Variants in FOXP1 observed in about 807,000 individuals in gnomAD.
The protein encoded by FOXP1 is forkhead box protein P1.
FOXP1 carries 15 observed loss-of-function variants against 98.2 expected under a neutral mutation model. The observed-to-expected ratio is 0.15, with a 90% CI of 0.10 to 0.24. FOXP1 has a LOEUF of 0.24. Among genes scored for constraint, FOXP1 ranks in the 10% least tolerant of loss-of-function variants. The probability of loss-of-function intolerance (pLI) is 1.00; values close to 1 mark genes in which losing one functional copy is unlikely to be tolerated. For missense variants in FOXP1, 633 were observed against 848.5 expected (o/e 0.75, Z 3.15); for synonymous variants, 371 against 314.5 (o/e 1.18, Z -1.90).
intron 3 of FOXP1, among the ~76,000 whole-genome samples, chr3:71,489,381 T>C (rs1400669532): frequency 6.6e-6 from 1 of 152,214 alleles, no homozygotes; most frequent in Non-Finnish European, 1.5e-5. Context: ...TCACCAGATC[T>C]ACCAGCAAGG....
chr3:71,242,008 T>C (rs1269699823), intron 5 of FOXP1, among the ~76,000 whole-genome samples: 1 of 152,232 alleles, frequency 6.6e-6, no homozygotes, highest in Non-Finnish European at 1.5e-5. Flanking sequence ...AATGTTAATA[T>C]ATGCTGATCA....
chr3:71,112,590 CT>C lies in FOXP1; in HGVS notation c.227del (p.Gln76ArgfsTer6). 1 of 1,613,878 alleles carries C rather than the reference CT, an allele frequency of 6.2e-7. No individual in the cohort carries two copies. Among genetic ancestry groups the C allele is most frequent in the Non-Finnish European group, 8.5e-7 (1 of 1,179,750 alleles). On this transcript the variant is annotated frameshift_variant, in exon 7 of 21. Coordinates refer to ENST00000649528, the MANE Select transcript of FOXP1 (RefSeq NM_001349338.3). LOFTEE classifies it high-confidence loss of function. ...TGGGAGATTTTAATCCACTAACTTGCTGCTGCTGTTGCTGCTGAAGAAGGAG... is the reference window on the plus strand; with the variant it reads ...TGGGAGATTTTAATCCACTAACTTGCGCTGCTGTTGCTGCTGAAGAAGGAG... ...RQLLLQQQQQ[Q>X]QVSGLKSPKR...
intron 7 of FOXP1, among the ~76,000 whole-genome samples, chr3:71,086,200 T>A (rs1460404782): frequency 1.3e-5 from 2 of 152,162 alleles, no homozygotes; most frequent in Non-Finnish European, 2.9e-5. Context: ...ATCACAACTG[T>A]ATTCTTTGTA....
chr3:71,579,445 A>G (rs1457239642), intron 2 of FOXP1, among the ~76,000 whole-genome samples: 1 of 152,252 alleles, frequency 6.6e-6, no homozygotes, highest in East Asian at 1.9e-4. Context: ...AAATTTTCCT[A>G]GACAACAAGC....
At chr3:71,143,787 A>G (rs754347561) in intron 6 of FOXP1, among the ~76,000 whole-genome samples, 4 of 152,238 alleles carry the variant, frequency 2.6e-5, no homozygotes, top group Non-Finnish European at 5.9e-5. Flanking sequence ...GCACTTCATA[A>G]GCACCATGTA....
At chr3:71,324,473 G>A (rs55820321) in intron 4 of FOXP1, among the ~76,000 whole-genome samples, 29,355 of 152,008 alleles carry the variant, frequency 0.19, 2,973 homozygotes, top group African/African-American at 0.21. Context: ...GTAGGGACAC[G>A]GATGAAGGTG....
At chr3:71,414,062 C>T (rs914197289) in intron 3 of FOXP1, among the ~76,000 whole-genome samples, 3 of 152,040 alleles carry the variant, frequency 2.0e-5, no homozygotes, top group Admixed American at 6.6e-5. Flanking sequence ...AAGCCACCCA[C>T]GGGTTGCTGG....
intron 11 of FOXP1, among the ~76,000 whole-genome samples, chr3:71,032,278 C>A (rs2046978339): frequency 6.6e-6 from 1 of 152,222 alleles, no homozygotes; most frequent in African/African-American, 2.4e-5. Flanking sequence ...CAATTGTGCT[C>A]TGTCTGTGCA....
In FOXP1 at chr3:70,954,920, C is replaced by T. The variant is rs902204059; in HGVS notation, c.*4327G>A. On this transcript the variant is annotated 3_prime_UTR_variant, in exon 21 of 21. Coordinates refer to ENST00000649528, the MANE Select transcript of FOXP1 (RefSeq NM_001349338.3). The stretch of plus-strand genomic sequence containing the variant: ...AAAAAAATTCTTGTTACTGGCAGCA[C>T]ATATACATGAAGCACCATGCTCACA... 3.0e-5 allele frequency: 7 copies of T among 232,802 alleles called. No individual in the cohort carries two copies. Among genetic ancestry groups the T allele is most frequent in the African/African-American group, 1.5e-4 (7 of 45,334 alleles). 14.4% of individuals were successfully genotyped at this position (232,802 alleles called of 1,614,324 possible).
chr3:71,045,545 C>CAT (rs57128419), intron 10 of FOXP1, among the ~76,000 whole-genome samples: 4,925 of 152,174 alleles, frequency 0.032, 275 homozygotes, highest in African/African-American at 0.11. Context: ...AACTGATGTA[C>CAT]ATATATATAT....
chr3:71,174,930 T>C (rs956255158), intron 6 of FOXP1, among the ~76,000 whole-genome samples: 1 of 150,708 alleles, frequency 6.6e-6, no homozygotes, highest in African/African-American at 2.4e-5. Context: ...TTTTTTTTTT[T>C]GAGATGGAGT....
chr3:71,334,746 A>C (rs1225840583), intron 4 of FOXP1: 2 of 152,226 alleles, frequency 1.3e-5, no homozygotes, highest in African/African-American at 2.4e-5. Flanking sequence ...CGAAAATTCA[A>C]GAATTCAGGG....
At chr3:71,104,682 A>G (rs1303780211) in intron 7 of FOXP1, among the ~76,000 whole-genome samples, 1 of 152,188 alleles carries the variant, frequency 6.6e-6, no homozygotes, top group Non-Finnish European at 1.5e-5. Flanking sequence ...ATGGAAGGAG[A>G]AATGGAACCT....
intron 6 of FOXP1, among the ~76,000 whole-genome samples, chr3:71,163,601 C>G (rs1026266530): frequency 1.3e-5 from 2 of 152,174 alleles, no homozygotes; most frequent in Non-Finnish European, 2.9e-5. Flanking sequence ...GCTGGCCAAG[C>G]AAGAGGTGAC....
chr3:71,418,963 G>A (rs2083422519), intron 3 of FOXP1, among the ~76,000 whole-genome samples: 1 of 147,218 alleles, frequency 6.8e-6, no homozygotes, highest in South Asian at 2.1e-4. Flanking sequence ...GCCGGGTGCA[G>A]TGGCTCACAC....
chr3:71,365,656 T>G (rs13317862), intron 3 of FOXP1, among the ~76,000 whole-genome samples: 374 of 152,260 alleles, frequency 2.5e-3, no homozygotes, highest in African/African-American at 8.3e-3. Context: ...GCATGAAGAT[T>G]CCCTAAATTA....
intron 3 of FOXP1, among the ~76,000 whole-genome samples, chr3:71,399,433 A>G (rs2081797279): frequency 6.6e-6 from 1 of 151,482 alleles, no homozygotes; most frequent in Non-Finnish European, 1.5e-5. Flanking sequence ...CCCACCATAC[A>G]TTTTAGAAAC....
chr3:70,968,805 A>C (rs769232230), intron 19 of FOXP1: 1 of 152,220 alleles, frequency 6.6e-6, no homozygotes. Flanking sequence ...ATGGAAAGGA[A>C]GGCCTGCTGG....
chr3:71,267,501 A>G (rs2069813944), intron 5 of FOXP1, among the ~76,000 whole-genome samples: 1 of 152,194 alleles, frequency 6.6e-6, no homozygotes, highest in African/African-American at 2.4e-5. Flanking sequence ...AATGGCAAAC[A>G]GGTGGAAATC....
Sources: allele counts gnomAD v4.1 joint callset (sites outside exome capture counted in the v4.1 genomes callset), GRCh38; gene constraint gnomAD v4.1.1; transcripts MANE v1.5; gene names NCBI Gene and HGNC (gene_info 2026-07-23, HGNC 2026-07-21).